The following RORB variants were observed in gnomAD, a reference collection of about 807,000 sequenced individuals.
RORB encodes nuclear receptor ROR-beta.
RORB carries 6 observed loss-of-function variants against 59.1 expected under a neutral mutation model. The observed-to-expected ratio is 0.10, with a 90% CI of 0.06 to 0.20. The LOEUF is 0.20. Among genes scored for constraint, RORB ranks in the 10% least tolerant of loss-of-function variants. The pLI is 1.00. For synonymous variants in RORB, 215 were observed against 204.5 expected (o/e 1.05, Z -0.44); for missense variants, 320 against 560.5 (o/e 0.57, Z 4.33).
chr9:74,612,052 A>G (rs1823239038), intron 1 of RORB, among the ~76,000 whole-genome samples: 1 of 152,226 alleles, frequency 6.6e-6, no homozygotes, highest in African/African-American at 2.4e-5. Context: ...AGAGAAGCAT[A>G]TAAACAGGAT....
intron 1 of RORB, among the ~76,000 whole-genome samples, chr9:74,629,625 T>G (rs946467413): frequency 6.6e-6 from 1 of 152,178 alleles, no homozygotes; most frequent in African/African-American, 2.4e-5. Flanking sequence ...GAATTCATAT[T>G]TGGTACCCTC....
intron 1 of RORB, among the ~76,000 whole-genome samples, chr9:74,542,390 T>C (rs7023495): frequency 0.32 from 48,016 of 152,062 alleles, 7,775 homozygotes; most frequent in Admixed American, 0.4. Context: ...AAATGTATTG[T>C]TTGAAATCGA....
chr9:74,612,531 T>C (rs558539449), intron 1 of RORB, among the ~76,000 whole-genome samples: 21 of 152,280 alleles, frequency 1.4e-4, no homozygotes, highest in African/African-American at 4.8e-4. Context: ...GTATCTGAGC[T>C]CCTGTCTCCA....
intron 4 of RORB, among the ~76,000 whole-genome samples, chr9:74,657,405 A>C (rs887595921): frequency 6.6e-6 from 1 of 152,116 alleles, no homozygotes; most frequent in Non-Finnish European, 1.5e-5. Context: ...TCCTCAGTAA[A>C]GGGGAGACTG....
intron 1 of RORB, among the ~76,000 whole-genome samples, chr9:74,521,245 G>C (rs1307927196): frequency 6.6e-6 from 1 of 151,834 alleles, no homozygotes; most frequent in Non-Finnish European, 1.5e-5. Flanking sequence ...AACAACAACA[G>C]TATCATCCAG....
intron 1 of RORB, among the ~76,000 whole-genome samples, chr9:74,514,690 A>T (rs548900341): frequency 6.7e-6 from 1 of 148,678 alleles, no homozygotes; most frequent in South Asian, 2.1e-4. Flanking sequence ...ATATATAATT[A>T]TATATACGTA....
At chr9:74,661,791 C>A (rs1205153276) in intron 5 of RORB, among the ~76,000 whole-genome samples, 2 of 86,506 alleles carry the variant, frequency 2.3e-5, no homozygotes, top group African/African-American at 1.7e-4. Context: ...ACTACAGGCG[C>A]CCCCCCACCA....
intron 1 of RORB, among the ~76,000 whole-genome samples, chr9:74,574,073 G>T (rs1427855784): frequency 6.6e-6 from 1 of 152,050 alleles, no homozygotes; most frequent in Non-Finnish European, 1.5e-5. Context: ...AGATGAAGAT[G>T]ATGTCCGTTC....
intron 1 of RORB, among the ~76,000 whole-genome samples, chr9:74,602,707 C>T (rs1823085360): frequency 6.6e-6 from 1 of 152,178 alleles, no homozygotes; most frequent in South Asian, 2.1e-4. Flanking sequence ...GTTGGCAAAT[C>T]CTTTCCCTGT....
intron 3 of RORB, among the ~76,000 whole-genome samples, chr9:74,637,412 T>C (rs1484586779): frequency 6.6e-6 from 1 of 152,208 alleles, no homozygotes; most frequent in Non-Finnish European, 1.5e-5. Context: ...AATTTATCAA[T>C]AATGAATTTG....
intron 4 of RORB, among the ~76,000 whole-genome samples, chr9:74,651,364 G>A (rs1388152200): frequency 6.6e-6 from 1 of 152,036 alleles, no homozygotes; most frequent in African/African-American, 2.4e-5. Context: ...GAGAAACCCT[G>A]TCTCCACTAA....
chr9:74,610,845 C>T (rs1470753810), intron 1 of RORB, among the ~76,000 whole-genome samples: 2 of 152,184 alleles, frequency 1.3e-5, no homozygotes, highest in Non-Finnish European at 2.9e-5. Flanking sequence ...CCCCCAGAGT[C>T]TCTGATTCAG....
intron 1 of RORB, among the ~76,000 whole-genome samples, chr9:74,592,382 C>T (rs1419859298): frequency 1.3e-5 from 2 of 152,226 alleles, no homozygotes; most frequent in Non-Finnish European, 2.9e-5. Context: ...TGGGAGATTT[C>T]TCACATGGTT....
intron 4 of RORB, among the ~76,000 whole-genome samples, chr9:74,648,118 G>A (rs1181107881): frequency 1.3e-5 from 2 of 152,114 alleles, no homozygotes; most frequent in Non-Finnish European, 1.5e-5. Flanking sequence ...GATAGAAGTA[G>A]ACCAAACTTG....
intron 4 of RORB, among the ~76,000 whole-genome samples, chr9:74,646,238 G>A (rs1046976385): frequency 2.6e-5 from 4 of 152,048 alleles, no homozygotes; most frequent in Admixed American, 6.5e-5. Flanking sequence ...TTATGCTTCT[G>A]ATATTGGGTC....
chr9:74,615,679 G>T, intron 1 of RORB: 1 of 433,264 alleles, frequency 2.3e-6, no homozygotes, highest in Non-Finnish European at 4.7e-6. Flanking sequence ...ACATTTAGCT[G>T]TATGGACCAT....
chr9:74,643,049 C>T (rs1487033143), intron 4 of RORB, among the ~76,000 whole-genome samples: 1 of 152,148 alleles, frequency 6.6e-6, no homozygotes, highest in African/African-American at 2.4e-5. Context: ...TAGAAAGATG[C>T]TATCTGTAAA....
intron 1 of RORB, among the ~76,000 whole-genome samples, chr9:74,514,893 T>A (rs1017771796): frequency 4.0e-5 from 6 of 151,534 alleles, no homozygotes; most frequent in Non-Finnish European, 1.5e-5. Flanking sequence ...GACTAATAAT[T>A]ATGCAACATA....
At chr9:74,561,437 T>C (rs974494096) in intron 1 of RORB, among the ~76,000 whole-genome samples, 1 of 152,152 alleles carries the variant, frequency 6.6e-6, no homozygotes, top group African/African-American at 2.4e-5. Flanking sequence ...TAAATGAAGA[T>C]GAGTTTAAGA....
Sources: gnomAD v4.1 joint callset for allele counts (sites outside exome capture counted in the v4.1 genomes callset) on GRCh38, gnomAD v4.1.1 for gene constraint, MANE v1.5 for transcripts, NCBI Gene and HGNC (gene_info 2026-07-23, HGNC 2026-07-21) for gene names.